NLRP2: variants seen among roughly 807,000 people sequenced by gnomAD.
NLRP2 encodes NLR family pyrin domain containing 2.
Under a neutral mutation model 97.2 loss-of-function variants are expected in NLRP2, and 107 were observed. That is an observed-to-expected ratio of 1.10 (90% CI 0.94 to 1.29). The LOEUF (loss-of-function observed/expected upper bound fraction) is 1.29. NLRP2 is among the 50% of genes most tolerant of loss of function. The pLI is 0.00. For missense variants in NLRP2, 1,495 were observed against 1,330.3 expected (o/e 1.12, Z -1.93); for synonymous variants, 663 against 551.5 (o/e 1.20, Z -2.83).
At chr19:54,984,913 G>A (rs2071947585) in intron 6 of NLRP2, 134 bp from the exon 7 acceptor site, 7 of 820,008 alleles carry the variant, frequency 8.5e-6, no homozygotes, top group Non-Finnish European at 1.5e-5. Context: ...GTCTGATGGT[G>A]GTGCTAATAA....
At position 54,980,543 on chromosome 19, in the gene NLRP2, T is replaced by C. The variant is rs544875976; in HGVS notation, c.398-1074T>C. 3.9e-5 allele frequency among the ~76,000 whole-genome samples: 6 copies of C among 152,284 alleles called. No individual in the cohort carries two copies. In the East Asian group the frequency reaches 9.7e-4, roughly 24 times the overall value. On this transcript the variant is annotated intron_variant, in intron 4 of 12. Coordinates refer to ENST00000448584, the MANE Select transcript of NLRP2 (RefSeq NM_017852.5). ...AATCGTAGGTAAAGGAAGGCAGATT[T>C]ATTGGAGAAAGTAGGAAAAGACATT...
intron 3 of NLRP2, among the ~76,000 whole-genome samples, chr19:54,975,612 T>C (rs1489388086): frequency 1.3e-5 from 2 of 150,838 alleles, no homozygotes; most frequent in African/African-American, 2.4e-5. Flanking sequence ...CCACCACGCC[T>C]GGCTAATTTT....
chr19:54,983,811 C>A, intron 6 of NLRP2, 83 bp downstream of exon 6: 1 of 1,564,662 alleles, frequency 6.4e-7, no homozygotes, highest in Non-Finnish European at 8.7e-7. Flanking sequence ...GCCTCCTATG[C>A]ACTGTGGCTT....
At chr19:54,966,702 T>C (rs551381295) in intron 1 of NLRP2, among the ~76,000 whole-genome samples, 199 of 151,776 alleles carry the variant, frequency 1.3e-3, no homozygotes, top group Middle Eastern at 6.8e-3. Flanking sequence ...CCTGCCACTA[T>C]GCCCAGCTAA....
At position 54,990,200 on chromosome 19, in the gene NLRP2, T is replaced by C. The variant is rs145118521; in HGVS notation, c.2537+8T>C. The C allele has an allele frequency of 1.4e-3, 2,235 of 1,613,764 alleles. 5 individuals are homozygous for C. Among genetic ancestry groups the C allele is most frequent in the Non-Finnish European group, 1.7e-3 (2,027 of 1,179,758 alleles). On this transcript the variant is annotated splice_region_variant and intron_variant, in intron 9 of 12. Transcript: ENST00000448584. ...CTTTCTGCAGAGGTTGTCGTAAGTCTCTCCTCTCTTACAGAGCAGCTGTGC... is the reference window on the plus strand; with the variant it reads ...CTTTCTGCAGAGGTTGTCGTAAGTCCCTCCTCTCTTACAGAGCAGCTGTGC...
chr19:54,977,278 A>G (rs1388991154), intron 3 of NLRP2, among the ~76,000 whole-genome samples: 1 of 151,994 alleles, frequency 6.6e-6, no homozygotes, highest in Non-Finnish European at 1.5e-5. Flanking sequence ...AAAATTAGCC[A>G]GGTATGGTGG....
At chr19:54,998,631 C>CTTTTTTTTTTTT (rs1179005483) in intron 12 of NLRP2, among the ~76,000 whole-genome samples, 141 of 61,116 alleles carry the variant, frequency 2.3e-3, no homozygotes, top group Non-Finnish European at 2.5e-3. Flanking sequence ...TTTTTTTTTC[C>CTTTTTTTTTTTT]TTTTTTTTTT....
chr19:54,999,830 A>T (rs187794616), intron 12 of NLRP2, among the ~76,000 whole-genome samples: 2 of 152,054 alleles, frequency 1.3e-5, no homozygotes, highest in Admixed American at 1.3e-4. Flanking sequence ...TCCGCCTCCC[A>T]GGTTCAAGTG....
In NLRP2 at chr19:54,983,502, C is replaced by G. The variant is rs759016867; in HGVS notation, c.1804C>G (p.Leu602Val). 6.2e-7 allele frequency: 1 copy of G among 1,614,154 alleles called. No individual in the cohort carries two copies. The highest frequency in any genetic ancestry group is 1.7e-5 in the Admixed American group (1 of 59,994). ...GGGTGGACATTCAACGGTGACAGAC[C>G]TGCAGGAGCTCCTCGGCTGTCTGTA... ...CKGGHSTVTD[L>V]QELLGCLYES... is the part of the protein sequence containing the mutation. Residue 602 changes from leucine to valine, a missense_variant, in exon 6 of 13, where the codon CTG becomes GTG. By Grantham distance (32) the Leu-to-Val change is conservative. Transcript: ENST00000448584.
chr19:54,981,509 G>GCCCCCCCCCCCCCCCCCCCCCCCAGCCC, intron 4 of NLRP2, 108 bp from the exon 5 acceptor site: 1 of 386,504 alleles, frequency 2.6e-6, no homozygotes, highest in Non-Finnish European at 5.3e-6. Context: ...CTGATCCCGT[G>GCCCCCCCCCCCCCCCCCCCCCCCAGCCC]CCCCCCCTCC....
At chr19:54,994,795 G>T (rs1163376599) in intron 11 of NLRP2, among the ~76,000 whole-genome samples, 1 of 151,514 alleles carries the variant, frequency 6.6e-6, no homozygotes, top group Non-Finnish European at 1.5e-5. Context: ...ATTTTTAGTA[G>T]AGACAGGGTT....
At chr19:54,972,574 G>C (rs1042849712) in intron 2 of NLRP2, among the ~76,000 whole-genome samples, 5 of 151,792 alleles carry the variant, frequency 3.3e-5, no homozygotes, top group Non-Finnish European at 7.4e-5. Flanking sequence ...TCCCAGACTT[G>C]AGCAATCCTA....
intron 11 of NLRP2, among the ~76,000 whole-genome samples, chr19:54,995,576 C>T (rs2072762409): frequency 6.6e-6 from 1 of 151,710 alleles, no homozygotes; most frequent in African/African-American, 2.4e-5. Context: ...AAGAGCAAGA[C>T]TCCATCTCAG....
intron 6 of NLRP2, 82 bp downstream of exon 6, chr19:54,983,810 G>A: frequency 6.4e-7 from 1 of 1,569,094 alleles, no homozygotes; most frequent in African/African-American, 1.3e-5. Flanking sequence ...AGCCTCCTAT[G>A]CACTGTGGCT....
intron 10 of NLRP2, 57 bp from the exon 11 acceptor site, chr19:54,994,212 C>G: frequency 6.3e-7 from 1 of 1,582,436 alleles, no homozygotes; most frequent in African/African-American, 1.3e-5. Context: ...AAAGGTGCAT[C>G]ACAGCAGTGA....
chr19:54,977,674 CA>C, intron 3 of NLRP2, 77 bp from the exon 4 acceptor site: 1 of 1,378,146 alleles, frequency 7.3e-7, no homozygotes, highest in South Asian at 1.2e-5. Context: ...TACTGAGACT[CA>C]GGGGTCCAAC....
chr19:54,984,886 T>A (rs1001092113), intron 6 of NLRP2, among the ~76,000 whole-genome samples, 161 bp from the exon 7 acceptor site: 4 of 152,202 alleles, frequency 2.6e-5, no homozygotes, highest in African/African-American at 9.6e-5. Flanking sequence ...CCTGTGATGC[T>A]TCTTGGGTGT....
chr19:54,980,474 G>A (rs1203570030), intron 4 of NLRP2, among the ~76,000 whole-genome samples: 2 of 152,204 alleles, frequency 1.3e-5, no homozygotes, highest in East Asian at 1.9e-4. Flanking sequence ...GATTACAGGC[G>A]TGAGCCACCG....
Position 54,982,306 on chromosome 19 carries a change from G to C in NLRP2, c.608G>C (p.Gly203Ala), listed in dbSNP as rs1189891932. The C allele has an allele frequency of 1.2e-6, 2 of 1,613,944 alleles. No homozygotes were observed. Among genetic ancestry groups the C allele is most frequent in the Non-Finnish European group, 1.7e-6 (2 of 1,180,030 alleles). ...IPFSNPRVLP[G>A]PFSYTVVLYG... ...TTCAGCAACCCCAGGGTGCTTCCCG[G>C]GCCCTTCTCATACACGGTGGTGCTG... Residue 203 changes from glycine (G) to alanine (A), a missense_variant, in exon 6 of 13, where the codon GGG becomes GCG. Physicochemically the swap from Gly to Ala is moderately conservative, Grantham distance 60. Coordinates refer to ENST00000448584, the MANE Select transcript of NLRP2 (RefSeq NM_017852.5).
Sources: allele counts gnomAD v4.1 joint callset (sites outside exome capture counted in the v4.1 genomes callset), GRCh38; gene constraint gnomAD v4.1.1; transcripts MANE v1.5; gene names NCBI Gene and HGNC (gene_info 2026-07-23, HGNC 2026-07-21).